Variants in AKAP19 observed in about 807,000 individuals in gnomAD.
AKAP19 encodes A-kinase anchoring protein 19.
chr2:190,187,390 C>T, the AKAP19 span, among the ~76,000 whole-genome samples: 1 of 149,430 alleles, frequency 6.7e-6, no homozygotes, highest in African/African-American at 2.5e-5. Flanking sequence ...TTCGTTTACA[C>T]AGCAGATTTT....
At chr2:190,105,872 G>A in the AKAP19 span, among the ~76,000 whole-genome samples, 2 of 152,134 alleles carry the variant, frequency 1.3e-5, no homozygotes, top group Non-Finnish European at 2.9e-5. Context: ...AATTCCTTGG[G>A]GTTAGGGCCC....
At chr2:190,113,116 A>G in the AKAP19 span, among the ~76,000 whole-genome samples, 5 of 152,284 alleles carry the variant, frequency 3.3e-5, no homozygotes, top group South Asian at 1.0e-3. Flanking sequence ...TCATAATTTA[A>G]GAAAACCTGT....
At chr2:190,155,078 G>C in the AKAP19 span, among the ~76,000 whole-genome samples, 1 of 152,238 alleles carries the variant, frequency 6.6e-6, no homozygotes, top group Non-Finnish European at 1.5e-5. Flanking sequence ...CAGAAGCAGG[G>C]ACAGCCAACA....
chr2:190,176,838 C>T, the AKAP19 span, among the ~76,000 whole-genome samples: 1 of 152,174 alleles, frequency 6.6e-6, no homozygotes, highest in Non-Finnish European at 1.5e-5. The surrounding 1 kb of genome is among the most constrained non-coding windows in gnomAD (Gnocchi z 4.7). Context: ...GATATCTGGG[C>T]CTCTCAGCCA....
the AKAP19 span, among the ~76,000 whole-genome samples, chr2:190,052,403 G>T: frequency 1.3e-5 from 2 of 152,132 alleles, no homozygotes; most frequent in Non-Finnish European, 2.9e-5. Flanking sequence ...AGTGTTTTAT[G>T]CTTGATTGTC....
At chr2:190,079,382 C>T in the AKAP19 span, 35 of 152,350 alleles carry the variant, frequency 2.3e-4, no homozygotes, top group Admixed American at 1.8e-3. Context: ...GGCCACCAAA[C>T]CCACAAGTAT....
the AKAP19 span, among the ~76,000 whole-genome samples, chr2:190,172,904 G>A: frequency 6.6e-6 from 1 of 152,128 alleles, no homozygotes; most frequent in Admixed American, 6.5e-5. Context: ...CCTGAGGTCA[G>A]GAGTTGGAAA....
At chr2:189,960,739 T>C in the AKAP19 span, among the ~76,000 whole-genome samples, 1 of 152,158 alleles carries the variant, frequency 6.6e-6, no homozygotes, top group Non-Finnish European at 1.5e-5. Flanking sequence ...TTGAGTGAGA[T>C]CTGCCATGTG....
At chr2:189,913,978 TGAG>T in the AKAP19 span, among the ~76,000 whole-genome samples, 1 of 152,052 alleles carries the variant, frequency 6.6e-6, no homozygotes, top group Non-Finnish European at 1.5e-5. Flanking sequence ...CATACGGAAA[TGAG>T]GAGTAACTTT....
chr2:190,017,173 A>C, the AKAP19 span, among the ~76,000 whole-genome samples: 240 of 152,194 alleles, frequency 1.6e-3, 8 homozygotes, highest in East Asian at 0.046. Context: ...TGTGTCCTGA[A>C]AGGTGAGGAG....
At chr2:189,982,189 G>A in the AKAP19 span, among the ~76,000 whole-genome samples, 1 of 151,700 alleles carries the variant, frequency 6.6e-6, no homozygotes, top group Admixed American at 6.6e-5. Context: ...GTTTCTTGGA[G>A]GTTTTGTTCA....
the AKAP19 span, chr2:189,923,198 C>A: frequency 3.6e-5 from 26 of 730,410 alleles, no homozygotes; most frequent in African/African-American, 4.1e-4. Context: ...GAAGACTGAG[C>A]GGTTGCGGCC....
chr2:190,036,724 C>T, the AKAP19 span, among the ~76,000 whole-genome samples: 1 of 152,072 alleles, frequency 6.6e-6, no homozygotes. Flanking sequence ...CATATATCAT[C>T]AACATTTCAC....
chr2:189,985,104 A>G, the AKAP19 span, among the ~76,000 whole-genome samples: 38 of 152,224 alleles, frequency 2.5e-4, no homozygotes, highest in Admixed American at 3.9e-4. Flanking sequence ...TAAAAGGAGC[A>G]GAGCAGCAGT....
the AKAP19 span, among the ~76,000 whole-genome samples, chr2:190,170,596 C>T: frequency 7.9e-5 from 12 of 152,282 alleles, no homozygotes; most frequent in South Asian, 2.3e-3. Context: ...CATCCCCAAC[C>T]AGGACCCAAA....
chr2:190,202,959 A>G, the AKAP19 span: 3 of 167,026 alleles, frequency 1.8e-5, no homozygotes, highest in Non-Finnish European at 4.4e-5. Context: ...GTTCTTTGCA[A>G]TCTGCCTGTG....
At chr2:190,005,378 T>C in the AKAP19 span, among the ~76,000 whole-genome samples, 13 of 152,154 alleles carry the variant, frequency 8.5e-5, no homozygotes, top group Non-Finnish European at 1.6e-4. Flanking sequence ...TGCTGATTGA[T>C]GCATTTACAA....
At chr2:189,891,906 T>C in the AKAP19 span, among the ~76,000 whole-genome samples, 1 of 152,064 alleles carries the variant, frequency 6.6e-6, no homozygotes, top group Non-Finnish European at 1.5e-5. Flanking sequence ...CATAGTCCCG[T>C]ATTTCTTGGA....
chr2:190,123,952 C>T, the AKAP19 span, among the ~76,000 whole-genome samples: 4 of 152,186 alleles, frequency 2.6e-5, no homozygotes, highest in Non-Finnish European at 5.9e-5. Context: ...ACACTAATAT[C>T]CTACCTTGGA....
Sources: gnomAD v4.1 joint callset for allele counts (sites outside exome capture counted in the v4.1 genomes callset) on GRCh38, gnomAD v4.1.1 for gene constraint, Gnocchi (gnomAD v3.1) non-coding constraint, MANE v1.5 for transcripts, NCBI Gene and HGNC (gene_info 2026-07-23, HGNC 2026-07-21) for gene names.